COA1: variants seen among roughly 807,000 people sequenced by gnomAD.
COA1 encodes the protein cytochrome c oxidase assembly factor 1.
In COA1, 13 loss-of-function variants were observed where a neutral mutation model predicts 16.0. The ratio of observed to expected loss-of-function variants is 0.81; its 90% CI spans 0.53 to 1.29. COA1 has a LOEUF of 1.29. Among genes scored for constraint, COA1 ranks in the 50% most tolerant of loss-of-function variants. The probability of loss-of-function intolerance (pLI) is 0.00; values close to 1 mark genes in which losing one functional copy is unlikely to be tolerated. For missense variants in COA1, 179 were observed against 177.0 expected (o/e 1.01, Z -0.06); for synonymous variants, 65 against 65.7 (o/e 0.99, Z 0.05).
At chr7:43,692,964 T>TTATC (rs1327038719) in intron 1 of COA1, among the ~76,000 whole-genome samples, 1 of 152,074 alleles carries the variant, frequency 6.6e-6, no homozygotes, top group African/African-American at 2.4e-5. Flanking sequence ...TAAAAATAAA[T>TTATC]TATCTATGTC....
intron 1 of COA1, among the ~76,000 whole-genome samples, chr7:43,666,352 T>C (rs2092888907): frequency 6.6e-6 from 1 of 152,184 alleles, no homozygotes; most frequent in African/African-American, 2.4e-5. Context: ...TGTACCTGCT[T>C]ATTAGGCCCT....
At chr7:43,710,547 T>A (rs1393336150) in intron 1 of COA1, among the ~76,000 whole-genome samples, 1 of 151,682 alleles carries the variant, frequency 6.6e-6, no homozygotes, top group East Asian at 1.9e-4. Flanking sequence ...AAAAGATTTA[T>A]GGATGATTCC....
At chr7:43,615,918 T>G (rs760160941) in intron 6 of COA1, among the ~76,000 whole-genome samples, 2 of 152,128 alleles carry the variant, frequency 1.3e-5, no homozygotes, top group African/African-American at 2.4e-5. Flanking sequence ...CTGACTCCCC[T>G]AAAGATAACA....
chr7:43,675,768 A>G lies in COA1; in HGVS notation c.-38-27116T>C, dbSNP rs537033194. ...GATGTCAAGATTACACTTTGAAGGG[A>G]AAAAAGGTGCTACTGGTTCAAGAGA... is the stretch of plus-strand genomic sequence containing the variant. On this transcript the variant is annotated intron_variant, in intron 1 of 5. Transcript: ENST00000223336. 1.7e-3 allele frequency among the ~76,000 whole-genome samples: 253 copies of G among 152,252 alleles called. 1 individual carries two copies. Among genetic ancestry groups the G allele is most frequent in the African/African-American group, 5.6e-3 (233 of 41,554 alleles).
At chr7:43,610,072 C>T (rs552557189) in intron 6 of COA1, among the ~76,000 whole-genome samples, 133 of 152,272 alleles carry the variant, frequency 8.7e-4, no homozygotes, top group African/African-American at 3.1e-3. Context: ...CAGGGCCGGG[C>T]GCGGTGGCTC....
chr7:43,637,756 A>ACTT (rs2086146504), downstream of COA1, among the ~76,000 whole-genome samples: 1 of 152,248 alleles, frequency 6.6e-6, no homozygotes, highest in African/African-American at 2.4e-5. Context: ...ATCAAGGAGC[A>ACTT]CTTCACTACA....
intron 1 of COA1, among the ~76,000 whole-genome samples, chr7:43,691,421 AAAAGAAAG>A (rs375210311): frequency 0.12 from 10,368 of 86,888 alleles, 807 homozygotes; most frequent in South Asian, 0.16. Flanking sequence ...GGAAGAAAGA[AAAAGAAAG>A]AAAGAAAGAA....
chr7:43,644,743 TAGATAGATAGATAGATAGGCAGGC>T (rs768104698), intron 4 of COA1, among the ~76,000 whole-genome samples: 7,330 of 122,572 alleles, frequency 0.06, 479 homozygotes, highest in Middle Eastern at 0.095. Flanking sequence ...GATAGATAGA[TAGATAGATAGATAGATAGGCAGGC>T]AGGCAGGCAG....
chr7:43,620,453 T>A (rs896395212), intron 6 of COA1, among the ~76,000 whole-genome samples: 19 of 152,134 alleles, frequency 1.2e-4, no homozygotes, highest in African/African-American at 3.9e-4. Flanking sequence ...GGTGGGCAGA[T>A]CACTTGAGGC....
At chr7:43,644,037 T>C (rs2087971737) in intron 4 of COA1, among the ~76,000 whole-genome samples, 2 of 152,112 alleles carry the variant, frequency 1.3e-5, no homozygotes, top group Non-Finnish European at 1.5e-5. Context: ...CAGCCCCTCC[T>C]ACCTGCCCAC....
At chr7:43,671,228 G>A (rs779895381) in intron 1 of COA1, among the ~76,000 whole-genome samples, 1 of 152,028 alleles carries the variant, frequency 6.6e-6, no homozygotes, top group South Asian at 2.1e-4. Flanking sequence ...TTAGACAATC[G>A]TTCCTTGATA....
chr7:43,626,580 G>A (rs1267948059), intron 6 of COA1: 1 of 152,158 alleles, frequency 6.6e-6, no homozygotes, highest in Non-Finnish European at 1.5e-5. Context: ...ACAGTTTTGA[G>A]TCTCAGGTAA....
intron 1 of COA1, among the ~76,000 whole-genome samples, chr7:43,667,267 C>A (rs1177452374): frequency 6.6e-6 from 1 of 152,126 alleles, no homozygotes; most frequent in East Asian, 1.9e-4. Context: ...CAAAACTGTC[C>A]TTCCTGATGC....
At chr7:43,692,612 T>C (rs907787555) in intron 1 of COA1, among the ~76,000 whole-genome samples, 5 of 152,198 alleles carry the variant, frequency 3.3e-5, no homozygotes, top group Non-Finnish European at 5.9e-5. Flanking sequence ...CTTCTGGCTA[T>C]TAGAAATGTT....
At position 43,720,377 on chromosome 7, in the gene COA1, C is replaced by T. The variant is rs28676899; in HGVS notation, c.-39+9052G>A. Among the ~76,000 whole-genome samples, 1,081 of 151,874 alleles carry T rather than the reference C, an allele frequency of 7.1e-3. 10 individuals carry two copies. Among genetic ancestry groups the T allele is most frequent in the African/African-American group, 0.025 (1,024 of 41,416 alleles). ...ATCCCTGCCTTTCCTCTTTATTAAG[C>T]GTTTTATCTAAGTATGATGGACTAG... On this transcript the variant is annotated intron_variant, in intron 1 of 5. Coordinates refer to ENST00000223336, the MANE Select transcript of COA1 (RefSeq NM_018224.4).
At chr7:43,645,520 T>G in intron 3 of COA1, 121 bp from the exon 4 acceptor site, 1 of 867,494 alleles carries the variant, frequency 1.2e-6, no homozygotes, top group Non-Finnish European at 1.8e-6. Context: ...AATCTGTGGA[T>G]GGACGAATAA....
chr7:43,679,077 G>A (rs556892281), intron 1 of COA1, among the ~76,000 whole-genome samples: 3 of 152,172 alleles, frequency 2.0e-5, no homozygotes, highest in African/African-American at 4.8e-5. Context: ...TCAGGAGGTC[G>A]AGACCAGCCT....
chr7:43,669,942 G>GAAGGA (rs1246461685), intron 1 of COA1, among the ~76,000 whole-genome samples: 5 of 152,110 alleles, frequency 3.3e-5, no homozygotes, highest in African/African-American at 4.8e-5. Flanking sequence ...CTTGAGTGAG[G>GAAGGA]AAGGAAAGGA....
intron 6 of COA1, chr7:43,632,433 T>G (rs904417822): frequency 2.0e-5 from 3 of 152,386 alleles, no homozygotes; most frequent in Admixed American, 2.0e-4. Flanking sequence ...CCAATTAATG[T>G]TGATATTTTG....
Sources: gnomAD v4.1 joint callset for allele counts (sites outside exome capture counted in the v4.1 genomes callset) on GRCh38, gnomAD v4.1.1 for gene constraint, MANE v1.5 for transcripts, NCBI Gene and HGNC (gene_info 2026-07-23, HGNC 2026-07-21) for gene names.